Variants in IL1RAPL1 observed in about 807,000 individuals in gnomAD.
The protein encoded by IL1RAPL1 is interleukin 1 receptor accessory protein like 1, also known as interleukin-1 receptor accessory protein-like 1.
A neutral mutation model predicts 48.4 loss-of-function variants in IL1RAPL1; 3 were observed. The ratio of observed to expected loss-of-function variants is 0.06; its 90% CI spans 0.03 to 0.16. The LOEUF (loss-of-function observed/expected upper bound fraction) is 0.16, where lower values mean the gene tolerates loss of function less well. IL1RAPL1 is among the 10% of genes least tolerant of loss of function. IL1RAPL1 has a pLI of 1.00. For missense variants in IL1RAPL1, 349 were observed against 530.6 expected, an observed-to-expected ratio of 0.66 and a Z score of 3.36; for synonymous variants, 185 against 187.7, an observed-to-expected ratio of 0.99 and a Z score of 0.12.
chrX:29,752,080 G>GTATATATATGTGTGTA (rs1928488175), intron 6 of IL1RAPL1, among the ~76,000 whole-genome samples: 3 of 85,324 alleles, frequency 3.5e-5, no homozygotes, highest in Non-Finnish European at 7.0e-5. Context: ...ATGTGTGTAT[G>GTATATATATGTGTGTA]TATATATATA....
intron 2 of IL1RAPL1, among the ~76,000 whole-genome samples, chrX:29,080,878 G>A (rs1330442972): frequency 9.4e-6 from 1 of 106,635 alleles, no homozygotes; most frequent in Non-Finnish European, 1.9e-5. Flanking sequence ...TAGTGGCTGG[G>A]ACTACAGGAG....
At chrX:28,829,300 A>G (rs1001549640) in intron 2 of IL1RAPL1, among the ~76,000 whole-genome samples, 4 of 110,820 alleles carry the variant, frequency 3.6e-5, no homozygotes, top group African/African-American at 9.8e-5. Context: ...GTTAATGCCT[A>G]TAGTTTTTCT....
At chrX:29,593,701 G>A (rs748424680) in intron 5 of IL1RAPL1, among the ~76,000 whole-genome samples, 1 of 111,816 alleles carries the variant, frequency 8.9e-6, no homozygotes, top group Non-Finnish European at 1.9e-5. Flanking sequence ...TTACTCATTA[G>A]TTAAATAGAC....
At chrX:28,959,295 A>G in intron 2 of IL1RAPL1, among the ~76,000 whole-genome samples, 1 of 111,821 alleles carries the variant, frequency 8.9e-6, no homozygotes, top group East Asian at 2.8e-4. Flanking sequence ...TACATATTTT[A>G]ACACTCTCAT....
At chrX:29,886,914 G>T (rs1211360856) in intron 6 of IL1RAPL1, among the ~76,000 whole-genome samples, 11 of 111,634 alleles carry the variant, frequency 9.9e-5, no homozygotes, top group Admixed American at 8.5e-4. Context: ...TTGTTTTGAT[G>T]ATTTACATTT....
At chrX:29,259,683 A>C (rs1044022342) in intron 2 of IL1RAPL1, among the ~76,000 whole-genome samples, 3 of 109,978 alleles carry the variant, frequency 2.7e-5, no homozygotes, top group African/African-American at 1.0e-4. Flanking sequence ...TCTGATCTAT[A>C]TATTAAAATA....
At chrX:28,742,530 C>T (rs1935922243) in intron 1 of IL1RAPL1, among the ~76,000 whole-genome samples, 1 of 111,594 alleles carries the variant, frequency 9.0e-6, no homozygotes, top group South Asian at 3.7e-4. Flanking sequence ...AGAGGGACTC[C>T]ATTATGTAGT....
intron 6 of IL1RAPL1, among the ~76,000 whole-genome samples, chrX:29,777,067 T>C (rs1415822154): frequency 8.9e-6 from 1 of 112,093 alleles, no homozygotes; most frequent in Non-Finnish European, 1.9e-5. Context: ...AATCCTTCTC[T>C]AATTTTGGCA....
chrX:28,905,897 G>T (rs1923205140), intron 2 of IL1RAPL1, among the ~76,000 whole-genome samples: 1 of 111,676 alleles, frequency 9.0e-6, no homozygotes, highest in African/African-American at 3.3e-5. Flanking sequence ...ACATTTGAGT[G>T]AAAACTGAAA....
At position 28,985,466 on chromosome X, in the gene IL1RAPL1, T is replaced by C. The variant is rs1387250008; in HGVS notation, c.82+196041T>C. On this transcript the variant is annotated intron_variant, in intron 2 of 10. Coordinates refer to ENST00000378993, the MANE Select transcript of IL1RAPL1 (RefSeq NM_014271.4). Reference sequence around the variant, plus strand: ...CACAGAGATGTTCTTTATGGTTTCATAGATTTGATGTTAGTGTAACCCATC... The same window carrying C: ...CACAGAGATGTTCTTTATGGTTTCACAGATTTGATGTTAGTGTAACCCATC... 3.6e-5 allele frequency among the ~76,000 whole-genome samples: 4 copies of C among 111,887 alleles called. No individual in the cohort carries two copies. The East Asian group carries it at 1.1e-3, about 31-fold the overall frequency.
intron 5 of IL1RAPL1, among the ~76,000 whole-genome samples, chrX:29,595,894 C>A (rs1248549684): frequency 9.0e-6 from 1 of 111,593 alleles, no homozygotes; most frequent in Non-Finnish European, 1.9e-5. Context: ...TTTGATCCAT[C>A]ATGAGTTGAT....
rs148786921 is a variant in IL1RAPL1 at position 29,783,499 on chromosome X, G to A, written c.778+114995G>A. On this transcript the variant is annotated intron_variant, in intron 6 of 10. Coordinates refer to ENST00000378993, the MANE Select transcript of IL1RAPL1 (RefSeq NM_014271.4). The stretch of plus-strand genomic sequence containing the variant: ...GATATTACTGATGAAGAAACTTTCC[G>A]GATTGGATGTGGGCACTCAGAGGAT... Among the ~76,000 whole-genome samples the A allele has an allele frequency of 5.6e-4, 62 of 111,605 alleles. 1 individual carries two copies. The highest frequency in any genetic ancestry group is 5.2e-3 in the Admixed American group (55 of 10,539).
chrX:28,896,154 A>G (rs999652266), intron 2 of IL1RAPL1, among the ~76,000 whole-genome samples: 8 of 112,020 alleles, frequency 7.1e-5, no homozygotes, highest in Non-Finnish European at 1.5e-4. Context: ...TTTGTCTCAC[A>G]GTGGAGGCAA....
At chrX:28,834,254 G>A (rs1035497823) in intron 2 of IL1RAPL1, among the ~76,000 whole-genome samples, 13 of 107,513 alleles carry the variant, frequency 1.2e-4, no homozygotes, top group South Asian at 4.2e-4. Flanking sequence ...GAATTATACC[G>A]TAGGCAATTT....
chrX:28,904,081 C>T (rs1432923014), intron 2 of IL1RAPL1, among the ~76,000 whole-genome samples: 1 of 110,676 alleles, frequency 9.0e-6, no homozygotes. Flanking sequence ...AATTTCCTTT[C>T]TTGCTATCAA....
chrX:29,938,595 T>C (rs375187350), intron 8 of IL1RAPL1, among the ~76,000 whole-genome samples: 2 of 112,406 alleles, frequency 1.8e-5, no homozygotes, highest in South Asian at 3.7e-4. Flanking sequence ...TGTTAAAGAA[T>C]TGAAATATGA....
rs190139237 is a variant in IL1RAPL1, at chrX:28,749,812, A to C, written c.-24-39508A>C. Reference sequence around the variant, plus strand: ...ATATTTTTAAGTTCTTATCTAAAAAAAAATTTGCTCAGCCCAATGTTGTGA... The same window carrying C: ...ATATTTTTAAGTTCTTATCTAAAAACAAATTTGCTCAGCCCAATGTTGTGA... On this transcript the variant is annotated intron_variant, in intron 1 of 10. Coordinates refer to ENST00000378993, the MANE Select transcript of IL1RAPL1 (RefSeq NM_014271.4). 4.1e-3 allele frequency among the ~76,000 whole-genome samples: 456 copies of C among 110,762 alleles called. 2 individuals are homozygous for C. Among genetic ancestry groups the C allele is most frequent in the African/African-American group, 0.012 (367 of 30,443 alleles).
chrX:29,367,103 G>A (rs959244753), intron 3 of IL1RAPL1, among the ~76,000 whole-genome samples: 4 of 111,153 alleles, frequency 3.6e-5, no homozygotes, highest in Non-Finnish European at 7.5e-5. Context: ...TGTGTAATTA[G>A]CAAATATAAT....
intron 6 of IL1RAPL1, among the ~76,000 whole-genome samples, chrX:29,694,166 C>G (rs771567377): frequency 9.8e-5 from 11 of 112,167 alleles, no homozygotes; most frequent in Non-Finnish European, 1.7e-4. Flanking sequence ...ACAATTGTAA[C>G]AAGACTGCTC....
Sources: allele counts gnomAD v4.1 joint callset (sites outside exome capture counted in the v4.1 genomes callset), GRCh38; gene constraint gnomAD v4.1.1; transcripts MANE v1.5; gene names NCBI Gene and HGNC (gene_info 2026-07-23, HGNC 2026-07-21).